LRFN2: variants seen among roughly 807,000 people sequenced by gnomAD.
LRFN2 encodes leucine rich repeat and fibronectin type III domain containing 2.
In LRFN2, 18 loss-of-function variants were observed where a neutral mutation model predicts 37.3. The ratio of observed to expected loss-of-function variants is 0.48; its 90% CI spans 0.33 to 0.72. The LOEUF is 0.72. Ranked by LOEUF, LRFN2 falls within the 30% of genes least tolerant of loss-of-function variation. The pLI is 0.02. For missense variants in LRFN2, 1,006 were observed against 1,060.7 expected (o/e 0.95, Z 0.72); for synonymous variants, 556 against 466.6 (o/e 1.19, Z -2.47).
intron 1 of LRFN2, among the ~76,000 whole-genome samples, chr6:40,458,298 G>A (rs139233762): frequency 7.9e-5 from 12 of 152,264 alleles, no homozygotes; most frequent in Non-Finnish European, 1.2e-4. Context: ...GCAATTTGCC[G>A]GAATGATTTC....
At chr6:40,394,257 T>A (rs946046139) in intron 2 of LRFN2, among the ~76,000 whole-genome samples, 2 of 152,136 alleles carry the variant, frequency 1.3e-5, no homozygotes, top group African/African-American at 4.8e-5. Flanking sequence ...TGAGGTATCA[T>A]GCCTTCTGCT....
At chr6:40,552,501 A>G (rs541334476) in intron 1 of LRFN2, among the ~76,000 whole-genome samples, 1 of 152,354 alleles carries the variant, frequency 6.6e-6, no homozygotes, top group East Asian at 1.9e-4. Flanking sequence ...TTTCTTACAC[A>G]TGTAGCTGAG....
intron 2 of LRFN2, among the ~76,000 whole-genome samples, chr6:40,399,438 C>CTTTTTTTTTTTTTT (rs71543989): frequency 4.6e-5 from 5 of 108,918 alleles, no homozygotes; most frequent in African/African-American, 1.2e-4. Context: ...TTTTTTTTTT[C>CTTTTTTTTTTTTTT]TTTTTTTTTT....
intron 2 of LRFN2, among the ~76,000 whole-genome samples, chr6:40,406,648 C>T (rs1020056471): frequency 2.6e-5 from 4 of 152,244 alleles, no homozygotes; most frequent in African/African-American, 9.6e-5. Context: ...CTCTGGACAA[C>T]TCTGAGTGAC....
At chr6:40,540,049 T>C (rs1766522782) in intron 1 of LRFN2, among the ~76,000 whole-genome samples, 1 of 152,120 alleles carries the variant, frequency 6.6e-6, no homozygotes, top group African/African-American at 2.4e-5. Flanking sequence ...GTCACAGCCC[T>C]GGCGCCGCAC....
At chr6:40,487,995 G>C (rs1335056471) in intron 1 of LRFN2, among the ~76,000 whole-genome samples, 1 of 152,114 alleles carries the variant, frequency 6.6e-6, no homozygotes, top group Non-Finnish European at 1.5e-5. Context: ...CAGTCCCCAG[G>C]CTCCCCAGTC....
At chr6:40,414,479 A>G (rs1763051323) in intron 2 of LRFN2, among the ~76,000 whole-genome samples, 1 of 152,192 alleles carries the variant, frequency 6.6e-6, no homozygotes, top group Admixed American at 6.5e-5. Flanking sequence ...ACCATGTAGA[A>G]CAGTACGTGG....
chr6:40,467,064 A>C (rs1424085930), intron 1 of LRFN2, among the ~76,000 whole-genome samples: 1 of 152,088 alleles, frequency 6.6e-6, no homozygotes, highest in Admixed American at 6.5e-5. Flanking sequence ...CATAACCTCT[A>C]GAATGGTGAG....
intron 1 of LRFN2, among the ~76,000 whole-genome samples, chr6:40,543,816 C>T (rs1766600803): frequency 6.6e-6 from 1 of 152,226 alleles, no homozygotes; most frequent in Non-Finnish European, 1.5e-5. Context: ...TCAATCTTCC[C>T]ATTTCCTGTC....
chr6:40,552,050 C>T (rs1018330664), intron 1 of LRFN2, among the ~76,000 whole-genome samples: 8 of 152,188 alleles, frequency 5.3e-5, no homozygotes, highest in Admixed American at 2.0e-4. Flanking sequence ...GAGAGGCACA[C>T]TTATTCCCAC....
intron 1 of LRFN2, among the ~76,000 whole-genome samples, chr6:40,490,550 T>C (rs1479479184): frequency 6.6e-6 from 1 of 152,198 alleles, no homozygotes; most frequent in Non-Finnish European, 1.5e-5. Flanking sequence ...TGAAAATTCT[T>C]TCCTCTTTGC....
chr6:40,412,378 G>A (rs2113806214), intron 2 of LRFN2, among the ~76,000 whole-genome samples: 1 of 152,248 alleles, frequency 6.6e-6, no homozygotes, highest in East Asian at 1.9e-4. Context: ...TTTAAATCAA[G>A]GGAAAAAGCA....
chr6:40,453,403 T>C (rs1311659439), intron 1 of LRFN2, among the ~76,000 whole-genome samples: 1 of 151,772 alleles, frequency 6.6e-6, no homozygotes, highest in East Asian at 1.9e-4. Flanking sequence ...AGCATCCATG[T>C]AACAAGGATC....
chr6:40,522,492 G>C (rs546855257), intron 1 of LRFN2, among the ~76,000 whole-genome samples: 63 of 152,326 alleles, frequency 4.1e-4, no homozygotes, highest in African/African-American at 1.5e-3. Flanking sequence ...AGGTGAGGCA[G>C]AGAGGTTCCT....
At chr6:40,421,073 G>T (rs1394583373) in intron 2 of LRFN2, among the ~76,000 whole-genome samples, 1 of 152,186 alleles carries the variant, frequency 6.6e-6, no homozygotes, top group Admixed American at 6.5e-5. Flanking sequence ...CTCCTCTGTG[G>T]ATAGGCCACA....
At chr6:40,481,439 CAAA>C (rs11384253) in intron 1 of LRFN2, among the ~76,000 whole-genome samples, 8,503 of 119,296 alleles carry the variant, frequency 0.071, 758 homozygotes, top group African/African-American at 0.23. Context: ...AAGATTGTCT[CAAA>C]AAAAAAAAAA....
intron 1 of LRFN2, among the ~76,000 whole-genome samples, chr6:40,541,438 C>T (rs1256993522): frequency 6.6e-6 from 1 of 152,168 alleles, no homozygotes; most frequent in Non-Finnish European, 1.5e-5. Flanking sequence ...CAGCTGTGAG[C>T]TCTCCGAGGG....
At chr6:40,443,461 C>T (rs1049687576) in intron 1 of LRFN2, among the ~76,000 whole-genome samples, 11 of 152,314 alleles carry the variant, frequency 7.2e-5, no homozygotes, top group South Asian at 2.1e-4. Flanking sequence ...AGGACTTCCA[C>T]GGCCTTTGAG....
In LRFN2 at chr6:40,477,029, G is replaced by T. The variant is rs530639006; in HGVS notation, c.-18-43898C>A. On this transcript the variant is annotated intron_variant, in intron 1 of 2. Transcript: ENST00000338305. ...ACTCACCTTCGACTCTTGATGATCA[G>T]GAAATGGATTATCTAGGTCAGCAGT... 9.8e-5 allele frequency among the ~76,000 whole-genome samples: 15 copies of T among 152,338 alleles called. 1 individual carries two copies. In the South Asian group the frequency reaches 3.1e-3, roughly 32 times the overall value.
Sources: gnomAD v4.1 joint callset for allele counts (sites outside exome capture counted in the v4.1 genomes callset) on GRCh38, gnomAD v4.1.1 for gene constraint, MANE v1.5 for transcripts, NCBI Gene and HGNC (gene_info 2026-07-23, HGNC 2026-07-21) for gene names.